FAT3: variants seen among roughly 807,000 people sequenced by gnomAD.
The protein encoded by FAT3 is FAT atypical cadherin 3, also known as protocadherin Fat 3.
Under a neutral mutation model 310.2 loss-of-function variants are expected in FAT3, and 95 were observed. The ratio of observed to expected loss-of-function variants is 0.31; its 90% CI spans 0.26 to 0.36. The LOEUF (loss-of-function observed/expected upper bound fraction) is 0.36. Among genes scored for constraint, FAT3 ranks in the 10% least tolerant of loss-of-function variants. FAT3 has a pLI of 1.00. For missense variants in FAT3, 5,408 were observed against 5,715.6 expected, an observed-to-expected ratio of 0.95 and a Z score of 1.74; for synonymous variants, 2,314 against 2,192.9, an observed-to-expected ratio of 1.06 and a Z score of -1.54.
At chr11:92,783,492 CT>C (rs1946809418) in intron 7 of FAT3, among the ~76,000 whole-genome samples, 1 of 108,072 alleles carries the variant, frequency 9.3e-6, no homozygotes, top group Middle Eastern at 4.9e-3. Flanking sequence ...GTAAGACTTT[CT>C]TTTTTAATTA....
chr11:92,230,695 A>G (rs950178445), intron 1 of FAT3, among the ~76,000 whole-genome samples: 5 of 152,240 alleles, frequency 3.3e-5, no homozygotes, highest in African/African-American at 1.2e-4. Flanking sequence ...AAAGAATAGT[A>G]AAATATATCC....
At chr11:92,739,371 A>G (rs925682989) in intron 4 of FAT3, among the ~76,000 whole-genome samples, 2 of 152,166 alleles carry the variant, frequency 1.3e-5, no homozygotes, top group African/African-American at 2.4e-5. Flanking sequence ...CCACTGAAGC[A>G]TGCAAACAGA....
intron 3 of FAT3, among the ~76,000 whole-genome samples, chr11:92,543,344 C>A (rs541834600): frequency 1.3e-5 from 2 of 152,060 alleles, no homozygotes; most frequent in South Asian, 2.1e-4. Flanking sequence ...GTGTTCTCAC[C>A]ACACAAAAAA....
chr11:92,391,181 T>C (rs926942851), intron 2 of FAT3, among the ~76,000 whole-genome samples: 2 of 152,196 alleles, frequency 1.3e-5, no homozygotes, highest in Non-Finnish European at 2.9e-5. Context: ...ATTGTGTGCT[T>C]GTTCAAACCT....
intron 13 of FAT3, among the ~76,000 whole-genome samples, chr11:92,819,976 TCA>T (rs1947918551): frequency 6.6e-6 from 1 of 152,132 alleles, no homozygotes; most frequent in African/African-American, 2.4e-5. Context: ...TTCCTGATAT[TCA>T]CACCCCTTCC....
At chr11:92,652,972 G>T (rs1942441429) in intron 3 of FAT3, among the ~76,000 whole-genome samples, 1 of 152,130 alleles carries the variant, frequency 6.6e-6, no homozygotes. Context: ...AGACCAGACT[G>T]GCCAACATGG....
intron 2 of FAT3, among the ~76,000 whole-genome samples, chr11:92,521,567 C>A (rs1446341952): frequency 6.6e-6 from 1 of 152,056 alleles, no homozygotes; most frequent in East Asian, 1.9e-4. Flanking sequence ...TAATGATTAC[C>A]ACAACACTGA....
intron 2 of FAT3, among the ~76,000 whole-genome samples, chr11:92,465,282 C>T (rs1356294252): frequency 1.3e-5 from 2 of 152,002 alleles, no homozygotes; most frequent in African/African-American, 2.4e-5. Flanking sequence ...TAGCATTGTG[C>T]CAGAAAGTTC....
chr11:92,730,363 T>G (rs1405008179), intron 4 of FAT3, among the ~76,000 whole-genome samples: 1 of 152,110 alleles, frequency 6.6e-6, no homozygotes, highest in Non-Finnish European at 1.5e-5. Context: ...TATATCAAAA[T>G]TTTGATATAT....
intron 3 of FAT3, among the ~76,000 whole-genome samples, chr11:92,636,986 G>A (rs1941789162): frequency 6.6e-6 from 1 of 152,280 alleles, no homozygotes; most frequent in East Asian, 1.9e-4. Flanking sequence ...GCTGTGAGTG[G>A]TTCCTTCATC....
At chr11:92,888,348 T>G (rs1373092685) in intron 25 of FAT3, among the ~76,000 whole-genome samples, 1 of 152,174 alleles carries the variant, frequency 6.6e-6, no homozygotes, top group Non-Finnish European at 1.5e-5. Flanking sequence ...TTGCACTTTA[T>G]ATAGAAATAC....
chr11:92,866,612 G>C (rs1949253118), intron 21 of FAT3, 129 bp from the exon 22 acceptor site: 5 of 779,984 alleles, frequency 6.4e-6, no homozygotes, highest in Non-Finnish European at 1.0e-5. Flanking sequence ...ACAGATTTAT[G>C]AGTAGAGCAA....
intron 3 of FAT3, among the ~76,000 whole-genome samples, chr11:92,594,047 G>A (rs1939578666): frequency 6.6e-6 from 1 of 152,140 alleles, no homozygotes; most frequent in Non-Finnish European, 1.5e-5. Context: ...CATGTGTCAT[G>A]GTGGGAGGTG....
Position 92,493,389 on chromosome 11 carries a change from T to TA in FAT3, c.3293-31244dup, listed in dbSNP as rs576126220. The stretch of plus-strand genomic sequence containing the variant: ...TGGTGGTGTTCCTGCCTTAAGTACT[T>TA]AGAGTTCCCCTGGCCTGGACTGAAC... On this transcript the variant is annotated intron_variant, in intron 2 of 27. Transcript: ENST00000525166. Among the ~76,000 whole-genome samples, 14 of 152,182 alleles carry TA rather than the reference T, an allele frequency of 9.2e-5. No individual in the cohort carries two copies. The East Asian group carries it at 2.1e-3, about 23-fold the overall frequency.
At chr11:92,477,210 G>A (rs1230589477) in intron 2 of FAT3, among the ~76,000 whole-genome samples, 1 of 152,160 alleles carries the variant, frequency 6.6e-6, no homozygotes, top group African/African-American at 2.4e-5. Flanking sequence ...AGATTTCTAT[G>A]GTAATGTGAG....
chr11:92,495,427 C>G (rs536121613), intron 2 of FAT3, among the ~76,000 whole-genome samples: 7 of 152,080 alleles, frequency 4.6e-5, no homozygotes, highest in African/African-American at 1.7e-4. Context: ...CAAATGTTGA[C>G]TGGCTTGTTT....
At chr11:92,520,765 G>A (rs1007600012) in intron 2 of FAT3, among the ~76,000 whole-genome samples, 3 of 152,102 alleles carry the variant, frequency 2.0e-5, no homozygotes, top group African/African-American at 7.2e-5. Flanking sequence ...TTCAGACTCA[G>A]TCCTTTTAAA....
chr11:92,827,682 G>A (rs748504221), intron 13 of FAT3, among the ~76,000 whole-genome samples: 6 of 152,114 alleles, frequency 3.9e-5, no homozygotes. Context: ...CTTCCGAGAG[G>A]CAGAATATAG....
At chr11:92,392,785 G>T (rs1949778554) in intron 2 of FAT3, among the ~76,000 whole-genome samples, 1 of 152,206 alleles carries the variant, frequency 6.6e-6, no homozygotes, top group African/African-American at 2.4e-5. Flanking sequence ...GAAGGAGAAA[G>T]CTCCCCAGAA....
Sources: allele counts gnomAD v4.1 joint callset (sites outside exome capture counted in the v4.1 genomes callset), GRCh38; gene constraint gnomAD v4.1.1; transcripts MANE v1.5; gene names NCBI Gene and HGNC (gene_info 2026-07-23, HGNC 2026-07-21).